RSPH4A: variants seen among roughly 807,000 people sequenced by gnomAD.
RSPH4A encodes radial spoke head component 4A.
A neutral mutation model predicts 71.0 loss-of-function variants in RSPH4A; 47 were observed. That is an observed-to-expected ratio of 0.66 (90% confidence interval 0.52 to 0.84). The LOEUF is 0.84. RSPH4A is among the 40% of genes least tolerant of loss of function. The pLI, the probability that RSPH4A is intolerant of heterozygous loss-of-function variation, is 0.00. For synonymous variants in RSPH4A, 282 were observed against 302.3 expected, an observed-to-expected ratio of 0.93 and a Z score of 0.70; for missense variants, 793 against 855.2, an observed-to-expected ratio of 0.93 and a Z score of 0.91.
rs1458147482 is a variant in RSPH4A, at chr6:116,632,173, G to T, written c.1917-34G>T. The T allele has an allele frequency of 2.7e-6, 4 of 1,480,144 alleles. No individual in the cohort carries two copies. The African/African-American group carries it at 5.6e-5, about 21-fold the overall frequency. The allele number at this position is 1,480,144 out of a possible 1,614,324, so 91.7% of individuals were successfully genotyped here. A position where few individuals can be genotyped will look rare whatever the true frequency, so the allele number is the denominator to read the frequency against. ...CAGTTTTTCTGAGAAATTATATAAT[G>T]ATCTTTTTTTCTTCTTCTTTTTCTT... On this transcript the variant is annotated intron_variant, in intron 5 of 5. Coordinates refer to ENST00000229554, the MANE Select transcript of RSPH4A (RefSeq NM_001010892.3).
chr6:116,632,335 G>A lies in RSPH4A; in HGVS notation c.2045G>A (p.Ser682Asn). 3 of 1,614,052 alleles carry A rather than the reference G, an allele frequency of 1.9e-6. No homozygotes were observed. The highest frequency in any genetic ancestry group is 2.5e-6 in the Non-Finnish European group (3 of 1,180,018). Residue 682 changes from serine to asparagine, a missense_variant, in exon 6 of 6, where the codon AGT becomes AAT. Coordinates refer to ENST00000229554, the MANE Select transcript of RSPH4A (RefSeq NM_001010892.3). ...GAAATTACAGAAATGGATGATCCTA[G>A]TGTGGAGGAGGAGCAGGCTTTCAGG... is the stretch of plus-strand genomic sequence containing the variant. ...GPEITEMDDP[S>N]VEEEQAFRAA...
chr6:116,632,131 TA>T (rs752366119), intron 5 of RSPH4A, 75 bp from the exon 6 acceptor site: 84 of 1,065,454 alleles, frequency 7.9e-5, no homozygotes, highest in Non-Finnish European at 1.1e-4. Flanking sequence ...CTAAGCACTT[TA>T]ATATTACAGA....
Position 116,628,313 on chromosome 6 carries a change from G to A in RSPH4A, c.1606G>A (p.Asp536Asn), listed in dbSNP as rs751415229. The change falls in exon 3 of 6, where the codon GAT (aspartate) becomes AAT (asparagine). Residue 536 changes from aspartate (D) to asparagine (N), a missense_variant. By Grantham distance (23) the Asp-to-Asn change is conservative. Coordinates refer to ENST00000229554, the MANE Select transcript of RSPH4A (RefSeq NM_001010892.3). ...TGATTTTGAAGGCATCCAAGTGATTGATCTAGTAGAATCCCTATCCAATTG... is the reference window on the plus strand; with the variant it reads ...TGATTTTGAAGGCATCCAAGTGATTAATCTAGTAGAATCCCTATCCAATTG... ...NPDFEGIQVI[D>N]LVESLSNWVH... The A allele has an allele frequency of 7.4e-6, 12 of 1,612,304 alleles. No homozygotes were observed. Among genetic ancestry groups the A allele is most frequent in the Non-Finnish European group, 1.0e-5 (12 of 1,179,396 alleles).
At position 116,618,465 on chromosome 6, in the gene RSPH4A, A is replaced by G. The variant is rs146036156; in HGVS notation, c.686+1156A>G. Among the ~76,000 whole-genome samples, 643 of 152,288 alleles carry G rather than the reference A, an allele frequency of 4.2e-3. 4 individuals are homozygous for G. The highest frequency in any genetic ancestry group is 0.015 in the African/African-American group (623 of 41,556). On this transcript the variant is annotated intron_variant, in intron 1 of 5. Transcript: ENST00000229554. ...TTAAGAAGAAATGAATGCTTTTTCT[A>G]TTCTCTCACTCTACAACAACCAACA...
In RSPH4A at chr6:116,632,477, A is replaced by ATAC; in HGVS notation, c.*37_*39dup. 6.3e-7 allele frequency: 1 copy of ATAC among 1,581,254 alleles called. No individual in the cohort carries two copies. Among genetic ancestry groups the ATAC allele is most frequent in the Non-Finnish European group, 8.6e-7 (1 of 1,162,706 alleles). On this transcript the variant is annotated 3_prime_UTR_variant, in exon 6 of 6. Coordinates refer to ENST00000229554, the MANE Select transcript of RSPH4A (RefSeq NM_001010892.3). ...ATTAGCCTGGTTTTATGTGACACTG[A>ATAC]TACACACACACCCCTTATATGGGAC...
At chr6:116,620,235 ATT>A (rs953556447) in intron 1 of RSPH4A, among the ~76,000 whole-genome samples, 1 of 152,158 alleles carries the variant, frequency 6.6e-6, no homozygotes, top group African/African-American at 2.4e-5. Flanking sequence ...AAAACATAAA[ATT>A]TTCTTTATTG....
chr6:116,624,047 T>G (rs1308901654), intron 2 of RSPH4A, among the ~76,000 whole-genome samples: 1 of 152,242 alleles, frequency 6.6e-6, no homozygotes, highest in Non-Finnish European at 1.5e-5. Context: ...GTATATTCAG[T>G]ACCACTAGAT....
Position 116,624,824 on chromosome 6 carries a change from C to T in RSPH4A, c.921+1822C>T, listed in dbSNP as rs147889233. On this transcript the variant is annotated intron_variant, in intron 2 of 5. Coordinates refer to ENST00000229554, the MANE Select transcript of RSPH4A (RefSeq NM_001010892.3). ...TCATACACTATGTGACTACTGCATA[C>T]CAAGTACTGAGATATACATGGGAAA... 4.2e-3 allele frequency among the ~76,000 whole-genome samples: 642 copies of T among 152,286 alleles called. 4 individuals are homozygous for T. Among genetic ancestry groups the T allele is most frequent in the African/African-American group, 0.015 (622 of 41,544 alleles).
chr6:116,629,536 GACT>G lies in RSPH4A; in HGVS notation c.1663-26_1663-24del, dbSNP rs763650807. Reference sequence around the variant, plus strand: ...ATCTGAAATTTTAAGGTCCCCATTAGACTACTAAATCTTGCAACATTCATTCCC... The same window carrying G: ...ATCTGAAATTTTAAGGTCCCCATTAGACTAAATCTTGCAACATTCATTCCC... On this transcript the variant is annotated intron_variant, in intron 3 of 5. Coordinates refer to ENST00000229554, the MANE Select transcript of RSPH4A (RefSeq NM_001010892.3). 12 of 1,609,426 alleles carry G rather than the reference GACT, an allele frequency of 7.5e-6. No individual in the cohort carries two copies. In the South Asian group the frequency reaches 1.3e-4, roughly 18 times the overall value.
chr6:116,632,105 A>G, intron 5 of RSPH4A, 102 bp from the exon 6 acceptor site: 1 of 805,322 alleles, frequency 1.2e-6, no homozygotes, highest in Non-Finnish European at 2.0e-6. Context: ...TTTTTAAATT[A>G]TAGGACCATG....
chr6:116,623,040 G>T, intron 2 of RSPH4A, 38 bp downstream of exon 2: 2 of 1,227,778 alleles, frequency 1.6e-6, no homozygotes, highest in Middle Eastern at 1.9e-4. Context: ...TAAACCTTAG[G>T]ATTTTATTTG....
At position 116,627,742 on chromosome 6, in the gene RSPH4A, T is replaced by C. The variant is rs371345232; in HGVS notation, c.1035T>C (p.Thr345=). ...TATTTCTTGCCCTCAAGCAGCTTAC[T>C]GATACCCACCCAATCCAAAGATGCC... is the stretch of plus-strand genomic sequence containing the variant. ...YRIFLALKQL[T]DTHPIQRCRF... The change falls in exon 3 of 6, where the codon ACT becomes ACC. Residue 345 remains threonine (T), a synonymous_variant. Transcript: ENST00000229554. 1.2e-6 allele frequency: 2 copies of C among 1,614,076 alleles called. No homozygotes were observed. The highest frequency in any genetic ancestry group is 2.2e-5 in the East Asian group (1 of 44,888).
Position 116,616,526 on chromosome 6 carries a change from C to G in RSPH4A, c.-98C>G. On this transcript the variant is annotated 5_prime_UTR_variant, in exon 1 of 6. It adds an upstream start codon to the 5' untranslated region. Transcript: ENST00000229554. ...CACAGAGCAACCAGGACCCAGAAAT[C>G]GCTTAAGAGACCGCGGCAAAGTAAC... The G allele has an allele frequency of 9.5e-7, 1 of 1,057,850 alleles. No individual in the cohort carries two copies. Among genetic ancestry groups the G allele is most frequent in the East Asian group, 2.6e-5 (1 of 38,732 alleles). 65.5% of individuals were successfully genotyped at this position (1,057,850 alleles called of 1,614,324 possible). A position where few individuals can be genotyped will look rare whatever the true frequency, so the allele number is the denominator to read the frequency against.
intron 2 of RSPH4A, among the ~76,000 whole-genome samples, chr6:116,624,834 A>G (rs1166901820): frequency 1.3e-5 from 2 of 152,222 alleles, no homozygotes; most frequent in Non-Finnish European, 2.9e-5. Context: ...CCAAGTACTG[A>G]GATATACATG....
Position 116,627,611 on chromosome 6 carries a change from C to T in RSPH4A, c.922-18C>T, listed in dbSNP as rs1232890638. 7.6e-6 allele frequency: 12 copies of T among 1,587,036 alleles called. No individual in the cohort carries two copies. The Admixed American group carries it at 2.0e-4, about 26-fold the overall frequency. ...TTGTCTTATTGATAAATTTTAACCA[C>T]AGCATTTGTTTCCCCAGGCAGAAAA... On this transcript the variant is annotated intron_variant, in intron 2 of 5. Transcript: ENST00000229554.
rs1775736741 is a variant in RSPH4A, at chr6:116,628,345, T to C, written c.1638T>C (p.His546=). 6.2e-7 allele frequency: 1 copy of C among 1,612,956 alleles called. No individual in the cohort carries two copies. The highest frequency in any genetic ancestry group is 8.5e-7 in the Non-Finnish European group (1 of 1,179,674). ...TAGAATCCCTATCCAATTGGGTTCA[T>C]CATGTACAGCATATTCTCTCTCAGG... ...DLVESLSNWV[H]HVQHILSQGR... Residue 546 remains histidine (H), a synonymous_variant, in exon 3 of 6, where the codon CAT becomes CAC. Transcript: ENST00000229554.
rs1775526781 is a variant in RSPH4A, at chr6:116,617,316, C to T, written c.686+7C>T. The stretch of plus-strand genomic sequence containing the variant: ...GCAATTCGGGCTTTAATCTGTAAGT[C>T]TCAGAGGGAAAAAAGATAAATGTTT... On this transcript the variant is annotated splice_region_variant and intron_variant, in intron 1 of 5. Coordinates refer to ENST00000229554, the MANE Select transcript of RSPH4A (RefSeq NM_001010892.3). 1 of 1,602,206 alleles carries T rather than the reference C, an allele frequency of 6.2e-7. No homozygotes were observed. The highest frequency in any genetic ancestry group is 1.3e-5 in the African/African-American group (1 of 74,508).
At position 116,622,869 on chromosome 6, in the gene RSPH4A, AT is replaced by A. The variant is rs1775632953; in HGVS notation, c.792del (p.Phe264LeufsTer20). The A allele has an allele frequency of 1.2e-6, 2 of 1,613,344 alleles. No homozygotes were observed. The highest frequency in any genetic ancestry group is 1.7e-5 in the Admixed American group (1 of 60,000). On this transcript the variant is annotated frameshift_variant, in exon 2 of 6. Coordinates refer to ENST00000229554, the MANE Select transcript of RSPH4A (RefSeq NM_001010892.3). LOFTEE classifies it high-confidence loss of function. ...ATTAGCCAAGATGTGAAGATGGCACATTTTAGTAAAAAATTTGATGCACTAC... is the reference window on the plus strand; with the variant it reads ...ATTAGCCAAGATGTGAAGATGGCACATTTAGTAAAAAATTTGATGCACTAC... ...ENISQDVKMAHFSKKFDALQN... is the reference protein window; with the variant it reads ...ENISQDVKMAXFSKKFDALQN...
chr6:116,630,548 G>A lies in RSPH4A; in HGVS notation c.1912G>A (p.Gly638Ser), dbSNP rs370338820. Residue 638 changes from glycine (G) to serine (S), a missense_variant, in exon 5 of 6, where the codon GGC (glycine) becomes AGC (serine). By Grantham distance (56) the Gly-to-Ser change is moderately conservative (BLOSUM62 0). Transcript: ENST00000229554. ...GCCTGGAGCATATGCCTTCTCCAAT[G>A]GCAAGTAAGTATCTGACCACTTACA... The part of the protein sequence containing the change: ...LWPGAYAFSN[G>S]KKFENFYIGW... 2.0e-5 allele frequency: 29 copies of A among 1,469,694 alleles called. No homozygotes were observed. Among genetic ancestry groups the A allele is most frequent in the Non-Finnish European group, 2.5e-5 (26 of 1,049,084 alleles). The allele number at this position is 1,469,694 out of a possible 1,614,324, so 91.0% of individuals were successfully genotyped here.
Sources: gnomAD v4.1 joint callset for allele counts (sites outside exome capture counted in the v4.1 genomes callset) on GRCh38, gnomAD v4.1.1 for gene constraint, MANE v1.5 for transcripts, NCBI Gene and HGNC (gene_info 2026-07-23, HGNC 2026-07-21) for gene names.